Variants in MED17 observed in about 807,000 individuals in gnomAD.
MED17 encodes the protein mediator complex subunit 17.
MED17 carries 49 observed loss-of-function variants against 80.8 expected under a neutral mutation model. The observed-to-expected ratio is 0.61, with a 90% CI of 0.48 to 0.77. The LOEUF (loss-of-function observed/expected upper bound fraction) is 0.77. MED17 is among the 30% of genes least tolerant of loss of function. The pLI is 0.00. For missense variants in MED17, 718 were observed against 787.0 expected (o/e 0.91, Z 1.05); for synonymous variants, 281 against 280.4 (o/e 1.00, Z -0.02).
chr11:93,790,814 C>G (rs774329874), intron 3 of MED17, 21 bp downstream of exon 3: 10 of 1,603,882 alleles, frequency 6.2e-6, no homozygotes, highest in Non-Finnish European at 8.5e-6. Context: ...TTATTAAAAA[C>G]TATACTTTCT....
intron 3 of MED17, among the ~76,000 whole-genome samples, chr11:93,792,863 C>G (rs958555683): frequency 3.9e-5 from 6 of 151,992 alleles, no homozygotes; most frequent in African/African-American, 1.5e-4. Context: ...ATTGTTAAAT[C>G]CTAGGAGTTT....
intron 1 of MED17, chr11:93,784,999 C>G: frequency 1.6e-6 from 1 of 617,698 alleles, no homozygotes; most frequent in Non-Finnish European, 2.8e-6. Context: ...GAGACACTGT[C>G]AAACCGTGAA....
intron 8 of MED17, among the ~76,000 whole-genome samples, chr11:93,799,025 A>G (rs1188147124): frequency 5.3e-5 from 8 of 152,198 alleles, no homozygotes; most frequent in Admixed American, 4.6e-4. Flanking sequence ...CCTGGTGTAC[A>G]AAAAGCTTAG....
chr11:93,807,728 T>C (rs778079400), intron 10 of MED17, 93 bp downstream of exon 10: 21 of 863,300 alleles, frequency 2.4e-5, no homozygotes, highest in Non-Finnish European at 3.8e-5. Context: ...TAATAAATTG[T>C]GTAAGAAGAA....
In MED17 at chr11:93,792,955, A is replaced by T. The variant is rs181548562; in HGVS notation, c.638-773A>T. ...GACCTTGTCTCTAAAAAGATAATAA[A>T]AAATAAAAAATCTAGGAAACTGGTT... On this transcript the variant is annotated intron_variant, in intron 3 of 11. Transcript: ENST00000251871. Among the ~76,000 whole-genome samples, 3 of 151,844 alleles carry T rather than the reference A, an allele frequency of 2.0e-5. No homozygotes were observed. The East Asian group carries it at 5.8e-4, about 29-fold the overall frequency.
intron 7 of MED17, 38 bp from the exon 8 acceptor site, chr11:93,797,497 A>T (rs73555015): frequency 6.5e-7 from 1 of 1,541,940 alleles, no homozygotes; most frequent in African/African-American, 1.4e-5. Flanking sequence ...AGCATTTACT[A>T]TGTGGATATT....
At chr11:93,808,056 G>T (rs1156774060) in intron 10 of MED17, 1 of 243,554 alleles carries the variant, frequency 4.1e-6, no homozygotes, top group Admixed American at 5.2e-5. Context: ...AAGTCCAAGG[G>T]GCAGTATAGA....
In MED17 at chr11:93,813,858, C is replaced by T. The variant is rs1224955736; in HGVS notation, c.*1794C>T. 6.6e-6 allele frequency: 1 copy of T among 152,170 alleles called. No homozygotes were observed. The highest frequency in any genetic ancestry group is 2.4e-5 in the African/African-American group (1 of 41,414). 9.4% of individuals were successfully genotyped at this position (152,170 alleles called of 1,614,324 possible). ...TCAGCCTCCCGAGTAACTGGGATTACAGGTGTGTGCCACCACGACCGTCTA... is the reference window on the plus strand; with the variant it reads ...TCAGCCTCCCGAGTAACTGGGATTATAGGTGTGTGCCACCACGACCGTCTA... On this transcript the variant is annotated 3_prime_UTR_variant, in exon 12 of 12. Transcript: ENST00000251871.
At chr11:93,790,375 T>C (rs1943821319) in intron 2 of MED17, 199 bp from the exon 3 acceptor site, 1 of 611,764 alleles carries the variant, frequency 1.6e-6, no homozygotes, top group African/African-American at 1.8e-5. Context: ...TTGTAGTGTT[T>C]TTGGTTTAAC....
chr11:93,812,445 C>CTTTTTTTTTTTT lies in MED17; in HGVS notation c.*392_*393insTTTTTTTTTTTT, dbSNP rs553014429. 68 of 352,788 alleles carry CTTTTTTTTTTTT rather than the reference C, an allele frequency of 1.9e-4. No homozygotes were observed. The highest frequency in any genetic ancestry group is 1.2e-3 in the African/African-American group (55 of 45,030). The allele number at this position is 352,788 out of a possible 1,614,324, so 21.9% of individuals were successfully genotyped here. A position where few individuals can be genotyped will look rare whatever the true frequency, so the allele number is the denominator to read the frequency against. On this transcript the variant is annotated 3_prime_UTR_variant, in exon 12 of 12. Coordinates refer to ENST00000251871, the MANE Select transcript of MED17 (RefSeq NM_004268.5). ...TTTTTCCCCCCAAATACTTTCTAAA[C>CTTTTTTTTTTTT]TTTTTTTTTTTGAGATGGTATCTCA...
chr11:93,796,208 C>T lies in MED17; in HGVS notation c.1013-202C>T, dbSNP rs957774375. ...CCTTGTGATCCACCCACCTTGGCCT[C>T]CCAACATGCTGGGATTGCAGGCGTG... On this transcript the variant is annotated intron_variant, in intron 6 of 11. Coordinates refer to ENST00000251871, the MANE Select transcript of MED17 (RefSeq NM_004268.5). 12 of 534,564 alleles carry T rather than the reference C, an allele frequency of 2.2e-5. No individual in the cohort carries two copies. The African/African-American group carries it at 2.3e-4, about 10-fold the overall frequency. The allele number at this position is 534,564 out of a possible 1,614,324, so 33.1% of individuals were successfully genotyped here.
At chr11:93,801,309 T>C (rs1299292949) in intron 8 of MED17, 1 of 156,468 alleles carries the variant, frequency 6.4e-6, no homozygotes. Context: ...ATAAATCTTA[T>C]TTCTCATTGG....
intron 9 of MED17, among the ~76,000 whole-genome samples, chr11:93,804,797 A>C (rs1944006679): frequency 6.6e-6 from 1 of 152,206 alleles, no homozygotes; most frequent in Non-Finnish European, 1.5e-5. Flanking sequence ...CACCCCAAAA[A>C]GAAACTCTAC....
Position 93,788,107 on chromosome 11 carries a change from T to C in MED17, c.357T>C (p.Val119=), listed in dbSNP as rs778259546. 7 of 1,613,760 alleles carry C rather than the reference T, an allele frequency of 4.3e-6. No homozygotes were observed. Among genetic ancestry groups the C allele is most frequent in the Non-Finnish European group, 5.9e-6 (7 of 1,179,702 alleles). Residue 119 remains valine (V), a synonymous_variant, in exon 2 of 12, where the codon GTT becomes GTC. Coordinates refer to ENST00000251871, the MANE Select transcript of MED17 (RefSeq NM_004268.5). ...TTCTCTATGATGTTCTCAGTATTGT[T>C]AGGGATAAAAAATTTATGACTCTTG... ...MCVLYDVLSI[V]RDKKFMTLDP...
At chr11:93,810,177 AAT>A (rs1271808523) in intron 11 of MED17, 1 of 380,308 alleles carries the variant, frequency 2.6e-6, no homozygotes, top group Admixed American at 3.9e-5. Flanking sequence ...CTTTAAAAAA[AAT>A]ATATACTGCT....
In MED17 at chr11:93,796,471, T is replaced by C. The variant is rs1182200379; in HGVS notation, c.1074T>C (p.Ala358=). Residue 358 remains alanine, a synonymous_variant, in exon 7 of 12, where the codon GCT becomes GCC. Transcript: ENST00000251871. ...ATGATAAGAAATCCCAAAAATTTGC[T>C]ACTGAGAAGCAATGTCCGGAGGACC... ...SSNDKKSQKF[A]TEKQCPEDHL... 6.2e-7 allele frequency: 1 copy of C among 1,613,776 alleles called. No individual in the cohort carries two copies. The highest frequency in any genetic ancestry group is 8.5e-7 in the Non-Finnish European group (1 of 1,179,766).
At chr11:93,804,254 C>T (rs996029756) in intron 9 of MED17, among the ~76,000 whole-genome samples, 7 of 151,896 alleles carry the variant, frequency 4.6e-5, no homozygotes, top group Non-Finnish European at 7.4e-5. Flanking sequence ...TCTCTTTTCA[C>T]GTTTTTCTGC....
rs1943745055 is a variant in MED17 at position 93,784,421 on chromosome 11, C to T, written c.-93C>T. The T allele has an allele frequency of 6.8e-7, 1 of 1,479,636 alleles. No homozygotes were observed. 91.7% of individuals were successfully genotyped at this position (1,479,636 alleles called of 1,614,324 possible). ...TCTGAGGCACCGCGGCTGCGGGCTTCTGAGTTCCCGGCTCTCCGCAGGGAA... is the reference window on the plus strand; with the variant it reads ...TCTGAGGCACCGCGGCTGCGGGCTTTTGAGTTCCCGGCTCTCCGCAGGGAA... On this transcript the variant is annotated 5_prime_UTR_variant, in exon 1 of 12. Transcript: ENST00000251871.
intron 10 of MED17, chr11:93,809,435 T>A (rs1404931642): frequency 2.1e-6 from 1 of 465,666 alleles, no homozygotes; most frequent in Non-Finnish European, 4.0e-6. Flanking sequence ...TATTCAGTGA[T>A]CTAGATGAGA....
Sources: allele counts gnomAD v4.1 joint callset (sites outside exome capture counted in the v4.1 genomes callset), GRCh38; gene constraint gnomAD v4.1.1; transcripts MANE v1.5; gene names NCBI Gene and HGNC (gene_info 2026-07-23, HGNC 2026-07-21).